ARHGAP32: variants seen among roughly 807,000 people sequenced by gnomAD.
ARHGAP32 encodes Rho GTPase activating protein 32.
In ARHGAP32, 51 loss-of-function variants were observed where a neutral mutation model predicts 186.5. That is an observed-to-expected ratio of 0.27 (90% CI 0.22 to 0.35). The LOEUF (loss-of-function observed/expected upper bound fraction) is 0.35, where lower values mean the gene tolerates loss of function less well. ARHGAP32 is among the 10% of genes least tolerant of loss of function. ARHGAP32 has a pLI of 1.00. For synonymous variants in ARHGAP32, 950 were observed against 964.3 expected, an observed-to-expected ratio of 0.99 and a Z score of 0.27; for missense variants, 2,186 against 2,623.5, an observed-to-expected ratio of 0.83 and a Z score of 3.64.
intron 6 of ARHGAP32, among the ~76,000 whole-genome samples, chr11:129,080,694 C>A (rs918396769): frequency 6.6e-6 from 1 of 151,622 alleles, no homozygotes; most frequent in East Asian, 1.9e-4. Context: ...CTTCAAGGAA[C>A]TACAGAAACG....
chr11:129,022,647 C>A (rs1229748742), intron 11 of ARHGAP32, among the ~76,000 whole-genome samples: 2 of 152,072 alleles, frequency 1.3e-5, no homozygotes, highest in Non-Finnish European at 2.9e-5. Context: ...AATTCTGTGT[C>A]AATCAATAGG....
rs867493054 is a variant in ARHGAP32 at position 128,976,496 on chromosome 11, T to C, written c.2194+67A>G. The C allele has an allele frequency of 1.1e-5, 14 of 1,255,850 alleles. 1 individual carries two copies. The highest frequency in any genetic ancestry group is 7.5e-5 in the African/African-American group (5 of 67,070). The allele number at this position is 1,255,850 out of a possible 1,614,324, so 77.8% of individuals were successfully genotyped here. On this transcript the variant is annotated intron_variant, in intron 20 of 22. Coordinates refer to ENST00000682385, the MANE Select transcript of ARHGAP32 (RefSeq NM_001378024.1). ...TATTAAGCACAGATATATAAAAATA[T>C]ACTCAATTGCAGTATTCCTTTATGC...
At chr11:128,982,601 A>G (rs963362335) in intron 15 of ARHGAP32, among the ~76,000 whole-genome samples, 3 of 152,156 alleles carry the variant, frequency 2.0e-5, no homozygotes, top group African/African-American at 7.2e-5. Context: ...TACTAAAGAC[A>G]ACGGGCTGGG....
intron 2 of ARHGAP32, among the ~76,000 whole-genome samples, chr11:129,149,208 T>C (rs1487176723): frequency 2.0e-5 from 3 of 152,198 alleles, no homozygotes; most frequent in Non-Finnish European, 4.4e-5. Context: ...CAGCAACTTA[T>C]GACAGAATAA....
chr11:129,129,835 T>C (rs1443493183), intron 2 of ARHGAP32, among the ~76,000 whole-genome samples: 1 of 152,222 alleles, frequency 6.6e-6, no homozygotes, highest in Non-Finnish European at 1.5e-5. Context: ...CTTTTTTCAT[T>C]CTGATAGTTA....
intron 15 of ARHGAP32, among the ~76,000 whole-genome samples, chr11:128,984,822 T>C (rs1945815003): frequency 6.6e-6 from 1 of 152,102 alleles, no homozygotes; most frequent in Non-Finnish European, 1.5e-5. Context: ...ATAAAACATA[T>C]ATGCAGTGTA....
At chr11:129,091,213 G>C (rs1038911302) in intron 6 of ARHGAP32, among the ~76,000 whole-genome samples, 4 of 152,094 alleles carry the variant, frequency 2.6e-5, no homozygotes, top group African/African-American at 9.7e-5. Flanking sequence ...GGTATAACTA[G>C]TATCTGTTCT....
intron 5 of ARHGAP32, among the ~76,000 whole-genome samples, chr11:129,107,371 A>G (rs1942077802): frequency 6.6e-6 from 1 of 152,252 alleles, no homozygotes; most frequent in African/African-American, 2.4e-5. Context: ...TTGTAGCCAT[A>G]TGAAAATAAA....
At chr11:129,162,088 T>G (rs958499896) in intron 2 of ARHGAP32, among the ~76,000 whole-genome samples, 1 of 151,928 alleles carries the variant, frequency 6.6e-6, no homozygotes, top group Non-Finnish European at 1.5e-5. Flanking sequence ...CAAGTGTGAG[T>G]TGAACAATGA....
chr11:129,206,848 G>A (rs1002052525), intron 1 of ARHGAP32, among the ~76,000 whole-genome samples: 3 of 151,608 alleles, frequency 2.0e-5, no homozygotes, highest in Non-Finnish European at 4.4e-5. Flanking sequence ...GTGGTTTGCT[G>A]CACCCACCAA....
At chr11:129,182,670 G>T (rs533655505) in intron 1 of ARHGAP32, among the ~76,000 whole-genome samples, 24 of 150,674 alleles carry the variant, frequency 1.6e-4, no homozygotes, top group Admixed American at 4.0e-4. Flanking sequence ...TGGAGACAGG[G>T]TCTCGCTCTA....
intron 1 of ARHGAP32, among the ~76,000 whole-genome samples, chr11:129,214,890 T>C (rs1245280666): frequency 1.3e-5 from 2 of 152,132 alleles, no homozygotes; most frequent in East Asian, 3.9e-4. Flanking sequence ...CCACAGACAA[T>C]AGCAAATGCA....
At chr11:128,971,288 C>T in intron 22 of ARHGAP32, 129 bp from the exon 23 acceptor site, 1 of 717,284 alleles carries the variant, frequency 1.4e-6, no homozygotes. Flanking sequence ...CATGTGGTTG[C>T]AATGAATCTG....
Position 128,970,727 on chromosome 11 carries a change from T to C in ARHGAP32, c.4486A>G (p.Thr1496Ala), listed in dbSNP as rs1198428947. ...VYSSFARPDV[T>A]TEPFGPDNCL... ...TTATCTGGACCAAAGGGTTCAGTGG[T>C]GACATCGGGCCTAGCAAAGGAGGAG... Residue 1496 changes from threonine to alanine, a missense_variant, in exon 23 of 23, where the codon ACC (threonine) becomes GCC (alanine). This residue lies in a region of ARHGAP32 where 1,502 missense variants were observed against 1,570.0 expected (regional missense o/e 0.96). Transcript: ENST00000682385. The surrounding 1 kb of genome is among the most constrained non-coding windows in gnomAD (Gnocchi z 5.8). The C allele has an allele frequency of 1.9e-6, 3 of 1,613,994 alleles. No individual in the cohort carries two copies. Among genetic ancestry groups the C allele is most frequent in the Non-Finnish European group, 2.5e-6 (3 of 1,180,028 alleles).
intron 1 of ARHGAP32, among the ~76,000 whole-genome samples, chr11:129,221,224 A>G (rs1944706300): frequency 6.6e-6 from 1 of 152,196 alleles, no homozygotes; most frequent in African/African-American, 2.4e-5. Flanking sequence ...GAAGCCATGA[A>G]GTCTTATTTT....
intron 1 of ARHGAP32, among the ~76,000 whole-genome samples, chr11:129,169,209 G>A (rs1367037808): frequency 6.6e-6 from 1 of 151,886 alleles, no homozygotes; most frequent in African/African-American, 2.4e-5. Flanking sequence ...AAAGCCAAAG[G>A]TTGATTCTTT....
chr11:129,193,627 A>ATATATTATATATAATATATAATATATGT (rs1944333422), upstream of ARHGAP32, among the ~76,000 whole-genome samples: 1 of 80,762 alleles, frequency 1.2e-5, no homozygotes, highest in Non-Finnish European at 2.3e-5. Flanking sequence ...GTTATATAAT[A>ATATATTATATATAATATATAATATATGT]TATATAATAT....
intron 1 of ARHGAP32, among the ~76,000 whole-genome samples, chr11:129,198,083 T>C (rs1944416415): frequency 6.6e-6 from 1 of 152,238 alleles, no homozygotes. Flanking sequence ...GACAATTTCA[T>C]GTTAGAGCAG....
chr11:129,025,002 T>TA (rs1398668419), intron 11 of ARHGAP32, among the ~76,000 whole-genome samples: 5 of 152,126 alleles, frequency 3.3e-5, no homozygotes, highest in African/African-American at 1.2e-4. Context: ...AATTGGAAAA[T>TA]ATTTACATAT....
Sources: allele counts gnomAD v4.1 joint callset (sites outside exome capture counted in the v4.1 genomes callset), GRCh38; gene constraint gnomAD v4.1.1; regional missense constraint gnomAD v4.1.1; non-coding constraint Gnocchi (gnomAD v3.1); transcripts MANE v1.5; gene names NCBI Gene and HGNC (gene_info 2026-07-23, HGNC 2026-07-21).